Variants in CD48 observed in about 807,000 individuals in gnomAD.
CD48 encodes the protein CD48 molecule.
In CD48, 20 loss-of-function variants were observed where a neutral mutation model predicts 22.0. That is an observed-to-expected ratio of 0.91 (90% CI 0.64 to 1.32). The LOEUF (loss-of-function observed/expected upper bound fraction) is 1.32. CD48 is among the 40% of genes most tolerant of loss of function. The pLI is 0.00. For missense variants in CD48, 307 were observed against 286.5 expected (o/e 1.07, Z -0.52); for synonymous variants, 110 against 110.1 (o/e 1.00, Z 0.01).
intron 1 of CD48, chr1:160,699,221 A>T (rs34219158): frequency 0.26 from 40,682 of 155,628 alleles, 6,052 homozygotes; most frequent in Non-Finnish European, 0.34. Flanking sequence ...TGTCAAACTC[A>T]GGGTTAAATG....
At chr1:160,700,264 T>A (rs1662584613) in intron 1 of CD48, among the ~76,000 whole-genome samples, 1 of 152,192 alleles carries the variant, frequency 6.6e-6, no homozygotes, top group African/African-American at 2.4e-5. Flanking sequence ...TTTTGGATAA[T>A]GATTGTCAAT....
intron 1 of CD48, among the ~76,000 whole-genome samples, chr1:160,694,568 C>T (rs938067438): frequency 9.2e-5 from 14 of 152,066 alleles, no homozygotes; most frequent in South Asian, 2.1e-4. Context: ...TCTGTGGGGT[C>T]GAGATTTGTT....
At chr1:160,703,344 C>T (rs1277940790) in intron 1 of CD48, among the ~76,000 whole-genome samples, 5 of 152,142 alleles carry the variant, frequency 3.3e-5, no homozygotes, top group African/African-American at 2.4e-5. Flanking sequence ...ATACTGAGTA[C>T]AAGCATCCCT....
intron 1 of CD48, among the ~76,000 whole-genome samples, chr1:160,710,376 T>C (rs1455003826): frequency 2.0e-5 from 3 of 152,212 alleles, no homozygotes; most frequent in Non-Finnish European, 4.4e-5. Flanking sequence ...AATTTGTATT[T>C]TACTAACCCA....
chr1:160,690,922 C>T (rs963511873), intron 1 of CD48, among the ~76,000 whole-genome samples: 31 of 152,176 alleles, frequency 2.0e-4, no homozygotes, highest in Admixed American at 1.8e-3. Flanking sequence ...TTACCCCCAA[C>T]CCCGTGCTCT....
intron 1 of CD48, chr1:160,699,662 C>T (rs930216974): frequency 7.2e-5 from 11 of 152,220 alleles, no homozygotes; most frequent in African/African-American, 2.7e-4. Flanking sequence ...GGCAGCAATA[C>T]TGCTTTGTAA....
chr1:160,704,311 T>TG (rs1414057782), intron 1 of CD48, among the ~76,000 whole-genome samples: 1 of 152,240 alleles, frequency 6.6e-6, no homozygotes, highest in East Asian at 1.9e-4. Flanking sequence ...ATCACATTTC[T>TG]GTTTTTGTTG....
intron 1 of CD48, among the ~76,000 whole-genome samples, chr1:160,707,364 C>T (rs1038808469): frequency 1.3e-5 from 2 of 151,644 alleles, no homozygotes; most frequent in South Asian, 2.1e-4. Context: ...AAGACCTAAG[C>T]TATGGTAGGC....
intron 3 of CD48, among the ~76,000 whole-genome samples, chr1:160,680,253 G>T (rs1661745571): frequency 6.6e-6 from 1 of 152,046 alleles, no homozygotes; most frequent in Non-Finnish European, 1.5e-5. Flanking sequence ...GATTGTGGAG[G>T]GTATCTGACT....
chr1:160,703,458 C>T (rs1571071265), intron 1 of CD48, among the ~76,000 whole-genome samples: 1 of 152,002 alleles, frequency 6.6e-6, no homozygotes, highest in African/African-American at 2.4e-5. Context: ...TGGGGGATGG[C>T]CTGGAGAATG....
In CD48 at chr1:160,678,900, C is replaced by G. The variant is rs1026579597; in HGVS notation, c.*152G>C. 5.0e-6 allele frequency: 3 copies of G among 601,536 alleles called. No homozygotes were observed. The highest frequency in any genetic ancestry group is 9.0e-6 in the Non-Finnish European group (3 of 333,838). The allele number at this position is 601,536 out of a possible 1,614,324, so 37.3% of individuals were successfully genotyped here. A position where few individuals can be genotyped will look rare whatever the true frequency, so the allele number is the denominator to read the frequency against. ...AAGGGATATAAAATTAAATAATAAC[C>G]AGTATTTAAAAGTTAACTTGAAAAT... On this transcript the variant is annotated 3_prime_UTR_variant, in exon 4 of 4. Transcript: ENST00000368046.
chr1:160,688,578 T>C (rs1220413869), intron 1 of CD48, among the ~76,000 whole-genome samples: 1 of 152,210 alleles, frequency 6.6e-6, no homozygotes, highest in Non-Finnish European at 1.5e-5. Context: ...TAAAGCAGAA[T>C]GTCTGGGTCT....
chr1:160,681,212 G>A lies in CD48; in HGVS notation c.642C>T (p.Pro214=), dbSNP rs1336365006. Residue 214 remains proline, a synonymous_variant, in exon 3 of 4, where the codon CCC becomes CCT. Transcript: ENST00000368046. ...SKNGTVCLSP[P]CTLARSFGVE... ...AGGGATCCTTCTTACCCAGGGTACA[G>A]GGTGGACTGAGGCAGACCGTGCCAT... 1.2e-6 allele frequency: 2 copies of A among 1,614,188 alleles called. No individual in the cohort carries two copies. Among genetic ancestry groups the A allele is most frequent in the Non-Finnish European group, 1.7e-6 (2 of 1,180,032 alleles).
At chr1:160,685,230 C>T (rs1661957933) in intron 1 of CD48, 41 bp from the exon 2 acceptor site, 1 of 1,513,930 alleles carries the variant, frequency 6.6e-7, no homozygotes, top group Non-Finnish European at 9.0e-7. Context: ...CTAGAGGAGG[C>T]AGTGTTGCTG....
intron 1 of CD48, chr1:160,699,713 G>A (rs1377155504): frequency 6.6e-6 from 1 of 152,018 alleles, no homozygotes; most frequent in Admixed American, 6.6e-5. Flanking sequence ...TAAAAGCACA[G>A]CACTTGATCC....
intron 1 of CD48, among the ~76,000 whole-genome samples, chr1:160,696,897 G>A (rs1461792220): frequency 2.0e-5 from 3 of 149,086 alleles, no homozygotes; most frequent in Non-Finnish European, 4.4e-5. Flanking sequence ...TTAAGTCAGT[G>A]GAAAATTTCA....
chr1:160,704,866 G>A (rs1299243437), intron 1 of CD48, among the ~76,000 whole-genome samples: 1 of 152,128 alleles, frequency 6.6e-6, no homozygotes, highest in Non-Finnish European at 1.5e-5. Flanking sequence ...TTAAGATAAG[G>A]AGAAAGAAAA....
chr1:160,703,343 A>G (rs141187383), intron 1 of CD48, among the ~76,000 whole-genome samples: 1 of 152,340 alleles, frequency 6.6e-6, no homozygotes, highest in African/African-American at 2.4e-5. Context: ...CATACTGAGT[A>G]CAAGCATCCC....
At chr1:160,706,604 C>T (rs919141249) in intron 1 of CD48, among the ~76,000 whole-genome samples, 2 of 152,152 alleles carry the variant, frequency 1.3e-5, no homozygotes, top group African/African-American at 4.8e-5. Flanking sequence ...TAAAAAACTA[C>T]TATTTTGATT....
Sources: gnomAD v4.1 joint callset for allele counts (sites outside exome capture counted in the v4.1 genomes callset) on GRCh38, gnomAD v4.1.1 for gene constraint, MANE v1.5 for transcripts, NCBI Gene and HGNC (gene_info 2026-07-23, HGNC 2026-07-21) for gene names.